SLC24A3: variants seen among roughly 807,000 people sequenced by gnomAD.
The protein encoded by SLC24A3 is sodium/potassium/calcium exchanger 3.
SLC24A3 carries 28 observed loss-of-function variants against 75.8 expected under a neutral mutation model. The ratio of observed to expected loss-of-function variants is 0.37; its 90% CI spans 0.27 to 0.51. The LOEUF (loss-of-function observed/expected upper bound fraction) is 0.51. Among genes scored for constraint, SLC24A3 ranks in the 20% least tolerant of loss-of-function variants. SLC24A3 has a pLI of 0.94. For missense variants in SLC24A3, 663 were observed against 847.8 expected (o/e 0.78, Z 2.71); for synonymous variants, 372 against 334.1 (o/e 1.11, Z -1.24).
At chr20:19,574,502 G>A (rs1221078245) in intron 3 of SLC24A3, among the ~76,000 whole-genome samples, 1 of 152,194 alleles carries the variant, frequency 6.6e-6, no homozygotes, top group Non-Finnish European at 1.5e-5. Flanking sequence ...GGCTGGGCCT[G>A]TCTCAGTTGG....
intron 3 of SLC24A3, among the ~76,000 whole-genome samples, chr20:19,576,042 A>G (rs567401557): frequency 6.6e-6 from 1 of 152,164 alleles, no homozygotes; most frequent in African/African-American, 2.4e-5. Context: ...AGCCATGTGT[A>G]CTTGGGTAAG....
intron 3 of SLC24A3, among the ~76,000 whole-genome samples, chr20:19,573,410 G>T (rs535146336): frequency 6.6e-6 from 1 of 152,268 alleles, no homozygotes; most frequent in East Asian, 1.9e-4. Context: ...TCAGAATCCT[G>T]GGTCAATAGC....
chr20:19,628,169 A>T (rs1236343965), intron 6 of SLC24A3, among the ~76,000 whole-genome samples: 1 of 142,554 alleles, frequency 7.0e-6, no homozygotes, highest in Non-Finnish European at 1.5e-5. Flanking sequence ...GCGCCACTGC[A>T]CTCCAGCCTG....
intron 6 of SLC24A3, among the ~76,000 whole-genome samples, chr20:19,652,671 G>A (rs565907635): frequency 6.6e-6 from 1 of 152,350 alleles, no homozygotes; most frequent in Admixed American, 6.5e-5. Flanking sequence ...AATGGAAAGA[G>A]ACTGGCCTTG....
At chr20:19,713,778 A>G (rs959484729) in intron 15 of SLC24A3, among the ~76,000 whole-genome samples, 7 of 152,178 alleles carry the variant, frequency 4.6e-5, no homozygotes, top group Non-Finnish European at 8.8e-5. Context: ...ATTCAGTTCA[A>G]CCTCATAAGC....
In SLC24A3 at chr20:19,636,203, T is replaced by A. The variant is rs373106910; in HGVS notation, c.613-17859T>A. Reference sequence around the variant, plus strand: ...GCCTTTTATGGTCTCACCTCAAGAGTGATGTAACACCATTTCTGTCATGCT... The same window carrying A: ...GCCTTTTATGGTCTCACCTCAAGAGAGATGTAACACCATTTCTGTCATGCT... On this transcript the variant is annotated intron_variant, in intron 6 of 16. Coordinates refer to ENST00000328041, the MANE Select transcript of SLC24A3 (RefSeq NM_020689.4). 7.2e-5 allele frequency among the ~76,000 whole-genome samples: 11 copies of A among 151,984 alleles called. No homozygotes were observed. The East Asian group carries it at 9.7e-4, about 13-fold the overall frequency.
chr20:19,693,484 A>ATC (rs2032770913), intron 13 of SLC24A3, 59 bp downstream of exon 13: 8 of 1,583,966 alleles, frequency 5.1e-6, no homozygotes, highest in Non-Finnish European at 6.0e-6. Flanking sequence ...AAAGAAGGGA[A>ATC]TAAGAGTCAG....
intron 2 of SLC24A3, among the ~76,000 whole-genome samples, chr20:19,373,220 T>C (rs763319321): frequency 1.3e-5 from 2 of 152,138 alleles, no homozygotes; most frequent in African/African-American, 2.4e-5. Context: ...TCCTGAGAGA[T>C]GATCCGATTT....
rs1463288779 is a variant in SLC24A3 at position 19,674,119 on chromosome 20, G to A, written c.767+465G>A. ...CTTGTGAAGGGAATTCCTAGGGTAGGACCTTCATCAAACATATCCTGGCAT... is the reference window on the plus strand; with the variant it reads ...CTTGTGAAGGGAATTCCTAGGGTAGAACCTTCATCAAACATATCCTGGCAT... On this transcript the variant is annotated intron_variant, in intron 9 of 16. Transcript: ENST00000328041. Among the ~76,000 whole-genome samples the A allele has an allele frequency of 2.6e-5, 4 of 152,268 alleles. No individual in the cohort carries two copies. The South Asian group carries it at 8.3e-4, about 32-fold the overall frequency.
Position 19,255,494 on chromosome 20 carries a change from A to T in SLC24A3, c.143-25465A>T, listed in dbSNP as rs557498998. On this transcript the variant is annotated intron_variant, in intron 1 of 16. Coordinates refer to ENST00000328041, the MANE Select transcript of SLC24A3 (RefSeq NM_020689.4). ...ATGGATTTCCATCTTTGTCCTCTCC[A>T]GGTGGCCCAAAGCATGGGTGAAGAG... is the stretch of plus-strand genomic sequence containing the variant. Among the ~76,000 whole-genome samples, 4 of 152,352 alleles carry T rather than the reference A, an allele frequency of 2.6e-5. No individual in the cohort carries two copies. In the South Asian group the frequency reaches 8.3e-4, roughly 32 times the overall value.
chr20:19,473,855 A>T (rs1159672292), intron 2 of SLC24A3, among the ~76,000 whole-genome samples: 1 of 152,220 alleles, frequency 6.6e-6, no homozygotes, highest in Non-Finnish European at 1.5e-5. Context: ...TTGCAATCAG[A>T]TCAGTCCTTA....
intron 2 of SLC24A3, among the ~76,000 whole-genome samples, chr20:19,416,916 A>G (rs1986837036): frequency 6.6e-6 from 1 of 152,236 alleles, no homozygotes; most frequent in African/African-American, 2.4e-5. Flanking sequence ...CGCAGAAGGT[A>G]CTGTGGGAGC....
intron 2 of SLC24A3, among the ~76,000 whole-genome samples, chr20:19,414,169 G>C (rs1027965810): frequency 2.0e-5 from 3 of 152,122 alleles, no homozygotes; most frequent in African/African-American, 7.2e-5. Context: ...TCGAAGAAAG[G>C]GGGCAGTGAA....
chr20:19,708,870 G>C (rs2122162314), intron 15 of SLC24A3, among the ~76,000 whole-genome samples: 1 of 152,330 alleles, frequency 6.6e-6, no homozygotes, highest in Admixed American at 6.5e-5. Flanking sequence ...ATGCCTGAGG[G>C]AAGGAAGGGT....
In SLC24A3 at chr20:19,720,934, C is replaced by A. The variant is rs533942931; in HGVS notation, c.1786-57C>A. On this transcript the variant is annotated intron_variant, in intron 16 of 16. Coordinates refer to ENST00000328041, the MANE Select transcript of SLC24A3 (RefSeq NM_020689.4). ...GGGTCCCCTGGGTTCCCCTACCAAC[C>A]CCCCAAAGGCTGCTGCCTCCTCCTG... The A allele has an allele frequency of 3.0e-3, 4,784 of 1,596,056 alleles. 9 individuals are homozygous for A. Among genetic ancestry groups the A allele is most frequent in the Non-Finnish European group, 3.6e-3 (4,187 of 1,171,962 alleles).
At chr20:19,428,012 G>C (rs1473456680) in intron 2 of SLC24A3, among the ~76,000 whole-genome samples, 1 of 152,166 alleles carries the variant, frequency 6.6e-6, no homozygotes, top group Non-Finnish European at 1.5e-5. Context: ...GCGTTGCTGT[G>C]CTCCTCATAT....
At chr20:19,559,459 G>T (rs1039272234) in intron 3 of SLC24A3, among the ~76,000 whole-genome samples, 2 of 152,032 alleles carry the variant, frequency 1.3e-5, no homozygotes, top group African/African-American at 2.4e-5. Context: ...TACTTTTATT[G>T]TTAAGTTTTG....
At chr20:19,705,666 C>T (rs1299099410) in intron 15 of SLC24A3, among the ~76,000 whole-genome samples, 1 of 152,098 alleles carries the variant, frequency 6.6e-6, no homozygotes, top group Admixed American at 6.5e-5. Context: ...TTTAATGGCC[C>T]TCCTAACCTC....
At chr20:19,600,564 A>G (rs2031515864) in intron 6 of SLC24A3, among the ~76,000 whole-genome samples, 1 of 152,232 alleles carries the variant, frequency 6.6e-6, no homozygotes, top group Non-Finnish European at 1.5e-5. Flanking sequence ...TGCAGCTCCA[A>G]TTCTGGCCTT....
Sources: gnomAD v4.1 joint callset for allele counts (sites outside exome capture counted in the v4.1 genomes callset) on GRCh38, gnomAD v4.1.1 for gene constraint, MANE v1.5 for transcripts, NCBI Gene and HGNC (gene_info 2026-07-23, HGNC 2026-07-21) for gene names.